Variants in SRPK2 observed in about 807,000 individuals in gnomAD.
The protein encoded by SRPK2 is SRSF protein kinase 2, also known as SFRS protein kinase 2.
A neutral mutation model predicts 90.8 loss-of-function variants in SRPK2; 21 were observed. The ratio of observed to expected loss-of-function variants is 0.23; its 90% CI spans 0.16 to 0.33. The LOEUF is 0.33. SRPK2 is among the 10% of genes least tolerant of loss of function. SRPK2 has a pLI of 1.00. For missense variants in SRPK2, 620 were observed against 869.0 expected, an observed-to-expected ratio of 0.71 and a Z score of 3.60; for synonymous variants, 288 against 311.1, an observed-to-expected ratio of 0.93 and a Z score of 0.78.
chr7:105,252,888 C>T (rs67505443), intron 2 of SRPK2, among the ~76,000 whole-genome samples: 62,383 of 151,352 alleles, frequency 0.41, 14,787 homozygotes, highest in Non-Finnish European at 0.53. Flanking sequence ...GGACTATAGG[C>T]ACGCACCCCA....
chr7:105,163,073 T>C (rs973690165), intron 6 of SRPK2, among the ~76,000 whole-genome samples: 3 of 152,256 alleles, frequency 2.0e-5, no homozygotes, highest in African/African-American at 4.8e-5. Context: ...TGGTACTTCC[T>C]AGTATACTCA....
rs1243262600 is a variant in SRPK2, at chr7:105,383,052, AATTTTTTTTTTTTTTT to A, written c.71+5580_71+5595del. 4.7e-4 allele frequency among the ~76,000 whole-genome samples: 50 copies of A among 105,324 alleles called. 2 individuals carry two copies. In the East Asian group the frequency reaches 6.6e-3, roughly 14 times the overall value. The allele number at this position is 105,324 out of a possible 152,430, so 69.1% of individuals were successfully genotyped here. A position where few individuals can be genotyped will look rare whatever the true frequency, so the allele number is the denominator to read the frequency against. The stretch of plus-strand genomic sequence containing the variant: ...AGTCTGAAATTATTTCAAAAGTAAA[AATTTTTTTTTTTTTTT>A]TTTTTTTTTTTTTGGAGACAGAGTC... On this transcript the variant is annotated intron_variant, in intron 2 of 15. Transcript: ENST00000393651.
intron 2 of SRPK2, among the ~76,000 whole-genome samples, chr7:105,280,791 C>T (rs1314925775): frequency 6.7e-6 from 1 of 149,076 alleles, no homozygotes; most frequent in Non-Finnish European, 1.5e-5. Context: ...ACTAAAAATA[C>T]AAAAAATTAG....
intron 2 of SRPK2, among the ~76,000 whole-genome samples, chr7:105,331,324 A>ACAAAAAAAC (rs1322036718): frequency 8.4e-5 from 11 of 131,554 alleles, no homozygotes; most frequent in African/African-American, 2.9e-4. Flanking sequence ...AAAAAAAAAA[A>ACAAAAAAAC]AAAAAAAAAA....
chr7:105,148,929 A>G (rs1167311365), intron 7 of SRPK2, among the ~76,000 whole-genome samples: 2 of 152,182 alleles, frequency 1.3e-5, no homozygotes, highest in African/African-American at 2.4e-5. Flanking sequence ...GCCATTCTCT[A>G]GTCTCAATAA....
At chr7:105,241,388 C>G (rs1315920580) in intron 2 of SRPK2, among the ~76,000 whole-genome samples, 1 of 152,148 alleles carries the variant, frequency 6.6e-6, no homozygotes, top group Non-Finnish European at 1.5e-5. Flanking sequence ...ACATCAGTGA[C>G]CAAGTTCATA....
At chr7:105,143,489 CGATAAAAT>C in intron 9 of SRPK2, 159 bp from the exon 10 acceptor site, 1 of 922,274 alleles carries the variant, frequency 1.1e-6, no homozygotes, top group Non-Finnish European at 1.6e-6. Context: ...GTAAGGCTTA[CGATAAAAT>C]CAAAGGGAAA....
intron 2 of SRPK2, among the ~76,000 whole-genome samples, chr7:105,215,184 A>G (rs535442286): frequency 6.6e-6 from 1 of 152,298 alleles, no homozygotes; most frequent in African/African-American, 2.4e-5. Context: ...CACAGAAACT[A>G]ACTCATAATG....
At chr7:105,294,030 G>A (rs1439815933) in intron 2 of SRPK2, among the ~76,000 whole-genome samples, 5 of 152,078 alleles carry the variant, frequency 3.3e-5, no homozygotes, top group African/African-American at 4.8e-5. Flanking sequence ...CCAATCCCTC[G>A]GAGTGATACA....
At chr7:105,204,739 G>A in intron 2 of SRPK2, 1 of 671,226 alleles carries the variant, frequency 1.5e-6, no homozygotes, top group South Asian at 1.5e-5. Context: ...TTGTGGTCTG[G>A]TTCTGGTCAA....
chr7:105,148,557 C>T (rs1301166334), intron 7 of SRPK2, among the ~76,000 whole-genome samples: 1 of 152,152 alleles, frequency 6.6e-6, no homozygotes, highest in Non-Finnish European at 1.5e-5. Flanking sequence ...GCAAATATTA[C>T]ATCAATGACC....
At chr7:105,328,695 T>G (rs1291570879) in intron 2 of SRPK2, among the ~76,000 whole-genome samples, 1 of 149,210 alleles carries the variant, frequency 6.7e-6, no homozygotes, top group African/African-American at 2.5e-5. Flanking sequence ...AAACCCCATC[T>G]CTACTAAAAA....
intron 2 of SRPK2, among the ~76,000 whole-genome samples, chr7:105,330,025 A>C (rs1266716686): frequency 6.6e-6 from 1 of 151,968 alleles, no homozygotes; most frequent in Non-Finnish European, 1.5e-5. Flanking sequence ...ACAGAGCGAG[A>C]CTCTGTCTCA....
At chr7:105,381,065 G>A (rs1820892396) in intron 2 of SRPK2, among the ~76,000 whole-genome samples, 1 of 150,568 alleles carries the variant, frequency 6.6e-6, no homozygotes. Context: ...AGGAGTTCCT[G>A]ACCAGGCTCT....
rs771788696 is a variant in SRPK2 at position 105,203,722 on chromosome 7, CGGTGGTGGT to C, written c.126_134del (p.Pro45_Pro47del). 9.2e-7 allele frequency: 1 copy of C among 1,087,600 alleles called. No homozygotes were observed. The highest frequency in any genetic ancestry group is 1.3e-6 in the Non-Finnish European group (1 of 760,576). The allele number at this position is 1,087,600 out of a possible 1,614,324, so 67.4% of individuals were successfully genotyped here. ...GGGGTGTGGGGTCTGGCAAAGGTGGCGGTGGTGGTGGTGGTGGCGGTGGAGGAGGAGGAA... is the reference window on the plus strand; with the variant it reads ...GGGGTGTGGGGTCTGGCAAAGGTGGCGGTGGTGGCGGTGGAGGAGGAGGAA... On this transcript the variant is annotated inframe_deletion, in exon 3 of 16. Coordinates refer to ENST00000393651, the MANE Select transcript of SRPK2 (RefSeq NM_182692.3).
intron 2 of SRPK2, among the ~76,000 whole-genome samples, chr7:105,205,513 T>TCACACA (rs1246518475): frequency 8.2e-5 from 5 of 61,206 alleles, no homozygotes; most frequent in Admixed American, 4.8e-4. Flanking sequence ...TCTCTCTCTC[T>TCACACA]CTCTCACACA....
At chr7:105,309,449 T>G (rs938864410) in intron 2 of SRPK2, among the ~76,000 whole-genome samples, 2 of 152,224 alleles carry the variant, frequency 1.3e-5, no homozygotes, top group Admixed American at 1.3e-4. Flanking sequence ...GCATTTTGTG[T>G]ATATTTTAGC....
intron 2 of SRPK2, among the ~76,000 whole-genome samples, chr7:105,243,798 T>G (rs1291073530): frequency 1.3e-5 from 2 of 152,112 alleles, no homozygotes; most frequent in South Asian, 2.1e-4. Context: ...CATAACACAA[T>G]AAGAATCTGC....
At chr7:105,265,887 G>C (rs1563167448) in intron 2 of SRPK2, among the ~76,000 whole-genome samples, 1 of 151,836 alleles carries the variant, frequency 6.6e-6, no homozygotes, top group Non-Finnish European at 1.5e-5. Context: ...TCATTCAATA[G>C]CATTCTCTGC....
Sources: allele counts gnomAD v4.1 joint callset (sites outside exome capture counted in the v4.1 genomes callset), GRCh38; gene constraint gnomAD v4.1.1; transcripts MANE v1.5; gene names NCBI Gene and HGNC (gene_info 2026-07-23, HGNC 2026-07-21).